The following INPP4B variants were observed in gnomAD, a reference collection of about 807,000 sequenced individuals.
INPP4B encodes inositol polyphosphate 4-phosphatase type II.
In INPP4B, 55 loss-of-function variants were observed where a neutral mutation model predicts 122.5. The ratio of observed to expected loss-of-function variants is 0.45; its 90% CI spans 0.36 to 0.56. The LOEUF is 0.56. Among genes scored for constraint, INPP4B ranks in the 20% least tolerant of loss-of-function variants. The pLI, the probability that INPP4B is intolerant of heterozygous loss-of-function variation, is 0.00. For synonymous variants in INPP4B, 403 were observed against 388.7 expected (o/e 1.04, Z -0.43); for missense variants, 1,000 against 1,097.7 (o/e 0.91, Z 1.26).
chr4:142,826,234 G>A (rs1374031997), intron 1 of INPP4B, among the ~76,000 whole-genome samples: 2 of 152,080 alleles, frequency 1.3e-5, no homozygotes, highest in African/African-American at 2.4e-5. Flanking sequence ...GGTTAAGTTT[G>A]TAAATTTATT....
At chr4:142,305,414 T>C (rs749071335) in intron 9 of INPP4B, 44 bp downstream of exon 9, 2 of 1,419,094 alleles carry the variant, frequency 1.4e-6, no homozygotes, top group African/African-American at 1.4e-5. Context: ...TAAATATCAC[T>C]TGTTATTAAC....
intron 9 of INPP4B, among the ~76,000 whole-genome samples, chr4:142,280,538 G>A (rs1750720588): frequency 6.6e-6 from 1 of 151,870 alleles, no homozygotes; most frequent in Admixed American, 6.6e-5. Flanking sequence ...GGGTTGGTGT[G>A]GGTGTGAAGG....
chr4:142,256,956 A>G lies in INPP4B; in HGVS notation c.688+3536T>C, dbSNP rs372553449. ...ATGAACTTTGATGCAAAAATCCTCA[A>G]TGAAATACTGACAAACCGAATCCAG... On this transcript the variant is annotated intron_variant, in intron 11 of 25. Coordinates refer to ENST00000262992, the MANE Select transcript of INPP4B (RefSeq NM_001101669.3). Among the ~76,000 whole-genome samples the G allele has an allele frequency of 3.9e-5, 6 of 152,226 alleles. No homozygotes were observed. The East Asian group carries it at 9.6e-4, about 24-fold the overall frequency.
intron 1 of INPP4B, among the ~76,000 whole-genome samples, chr4:142,825,596 A>G (rs535509429): frequency 7.9e-5 from 12 of 152,236 alleles, no homozygotes; most frequent in African/African-American, 2.9e-4. Flanking sequence ...ACCGTACTAC[A>G]AAGAAGCAAG....
chr4:142,330,525 A>G (rs913315233), intron 7 of INPP4B, among the ~76,000 whole-genome samples: 2 of 152,216 alleles, frequency 1.3e-5, no homozygotes, highest in African/African-American at 4.8e-5. Context: ...ACACACGCAT[A>G]TGTGCACACA....
At chr4:142,335,741 T>C (rs1056775484) in intron 7 of INPP4B, among the ~76,000 whole-genome samples, 1 of 152,226 alleles carries the variant, frequency 6.6e-6, no homozygotes, top group Non-Finnish European at 1.5e-5. Context: ...ATGGTTGATT[T>C]ATTTTTATCA....
intron 2 of INPP4B, among the ~76,000 whole-genome samples, chr4:142,480,963 C>T (rs1820439573): frequency 6.6e-6 from 1 of 151,300 alleles, no homozygotes; most frequent in African/African-American, 2.4e-5. Flanking sequence ...GGTGAAACCC[C>T]GTCTCTACTA....
intron 2 of INPP4B, among the ~76,000 whole-genome samples, chr4:142,607,060 T>G (rs1432081662): frequency 6.6e-6 from 1 of 151,956 alleles, no homozygotes; most frequent in Non-Finnish European, 1.5e-5. Flanking sequence ...AATACTGTTT[T>G]CTATTTTACA....
At chr4:142,243,362 G>A (rs1159053938) in intron 11 of INPP4B, among the ~76,000 whole-genome samples, 1 of 152,166 alleles carries the variant, frequency 6.6e-6, no homozygotes, top group Non-Finnish European at 1.5e-5. Context: ...TCCATTTGAA[G>A]CTACTTAACA....
intron 14 of INPP4B, among the ~76,000 whole-genome samples, chr4:142,194,419 G>A (rs1837306517): frequency 6.6e-6 from 1 of 152,130 alleles, no homozygotes; most frequent in South Asian, 2.1e-4. Context: ...GTTTCAGGGT[G>A]TCCAAGAATG....
At position 142,203,256 on chromosome 4, in the gene INPP4B, G is replaced by T. The variant is rs1841430862; in HGVS notation, c.1072+5169C>A. On this transcript the variant is annotated intron_variant, in intron 14 of 25. Transcript: ENST00000262992. ...TTAGAGTTAGCTATACATTAATAAT[G>T]CAGTTATATAAAGAAGGCTTTTAGT... 3.3e-5 allele frequency among the ~76,000 whole-genome samples: 5 copies of T among 152,178 alleles called. No homozygotes were observed. In the South Asian group the frequency reaches 1.0e-3, roughly 32 times the overall value.
chr4:142,756,633 T>C (rs1419799371), intron 1 of INPP4B, among the ~76,000 whole-genome samples: 1 of 152,058 alleles, frequency 6.6e-6, no homozygotes, highest in Admixed American at 6.6e-5. Context: ...TTAGGCATAC[T>C]AATAGATATG....
intron 15 of INPP4B, among the ~76,000 whole-genome samples, chr4:142,177,023 A>G (rs966424857): frequency 6.6e-6 from 1 of 152,004 alleles, no homozygotes; most frequent in African/African-American, 2.4e-5. Context: ...CCCTCCCAAT[A>G]TATTCCCTTT....
chr4:142,769,916 A>T (rs947659558), intron 1 of INPP4B, among the ~76,000 whole-genome samples: 3 of 152,136 alleles, frequency 2.0e-5, no homozygotes, highest in Non-Finnish European at 4.4e-5. Context: ...CCTGTCTCAA[A>T]AAAATAAAAA....
intron 2 of INPP4B, among the ~76,000 whole-genome samples, chr4:142,718,934 C>T (rs1185516003): frequency 6.6e-6 from 1 of 152,172 alleles, no homozygotes; most frequent in African/African-American, 2.4e-5. Context: ...TGAACTAGCT[C>T]AGTTAGCCCC....
intron 9 of INPP4B, among the ~76,000 whole-genome samples, chr4:142,281,664 A>C (rs1161830393): frequency 6.6e-6 from 1 of 152,028 alleles, no homozygotes; most frequent in East Asian, 1.9e-4. Context: ...ATAATTTTAG[A>C]GTGTAATGTA....
chr4:142,272,185 T>C (rs1210161491), intron 9 of INPP4B, among the ~76,000 whole-genome samples: 1 of 152,172 alleles, frequency 6.6e-6, no homozygotes, highest in Non-Finnish European at 1.5e-5. Flanking sequence ...ATGCTGCTTT[T>C]TTTTAGTATT....
intron 25 of INPP4B, among the ~76,000 whole-genome samples, chr4:142,061,620 T>C (rs1760671819): frequency 6.6e-6 from 1 of 151,956 alleles, no homozygotes; most frequent in Non-Finnish European, 1.5e-5. Flanking sequence ...TTAAAATTAA[T>C]ATTAAATTTA....
At chr4:142,782,959 A>G (rs371242762) in intron 1 of INPP4B, among the ~76,000 whole-genome samples, 3 of 152,158 alleles carry the variant, frequency 2.0e-5, no homozygotes, top group East Asian at 3.9e-4. Flanking sequence ...CTGGCTAGCC[A>G]TATGTAGAAA....
Sources: gnomAD v4.1 joint callset for allele counts (sites outside exome capture counted in the v4.1 genomes callset) on GRCh38, gnomAD v4.1.1 for gene constraint, MANE v1.5 for transcripts, NCBI Gene and HGNC (gene_info 2026-07-23, HGNC 2026-07-21) for gene names.